TRPS1: variants seen among roughly 807,000 people sequenced by gnomAD.
TRPS1 encodes transcriptional repressor GATA binding 1.
TRPS1 carries 6 observed loss-of-function variants against 101.2 expected under a neutral mutation model. The observed-to-expected ratio is 0.06, with a 90% CI of 0.03 to 0.12. The LOEUF is 0.12. Ranked by LOEUF, TRPS1 falls within the 10% of genes least tolerant of loss-of-function variation. The pLI, the probability that TRPS1 is intolerant of heterozygous loss-of-function variation, is 1.00. For missense variants in TRPS1, 1,363 were observed against 1,567.0 expected, an observed-to-expected ratio of 0.87 and a Z score of 2.20; for synonymous variants, 578 against 589.8, an observed-to-expected ratio of 0.98 and a Z score of 0.29.
chr8:115,560,653 A>G (rs571357730), intron 5 of TRPS1, among the ~76,000 whole-genome samples: 1 of 152,124 alleles, frequency 6.6e-6, no homozygotes, highest in Admixed American at 6.6e-5. Flanking sequence ...ACTTTTATCA[A>G]CTCTGGGTAA....
rs776415628 is a variant in TRPS1, at chr8:115,415,101, C to T, written c.2824-17G>A. 24 of 1,585,232 alleles carry T rather than the reference C, an allele frequency of 1.5e-5. No homozygotes were observed. The East Asian group carries it at 4.7e-4, about 31-fold the overall frequency. On this transcript the variant is annotated splice_polypyrimidine_tract_variant and intron_variant, in intron 6 of 6. Transcript: ENST00000395715. ...CCTGGGAGTCTGCAGAGAACACATACAATACATAAAAGGAAAACATTAAAA... is the reference window on the plus strand; with the variant it reads ...CCTGGGAGTCTGCAGAGAACACATATAATACATAAAAGGAAAACATTAAAA...
Position 115,603,949 on chromosome 8 carries a change from T to C in TRPS1, c.2020A>G (p.Lys674Glu), listed in dbSNP as rs548664535. Reference sequence around the variant, plus strand: ...GTACATGAGTGTTCTTTGCTTTCCTTGACAGACTGCTGCCCATCCGATCCT... The same window carrying C: ...GTACATGAGTGTTCTTTGCTTTCCTCGACAGACTGCTGCCCATCCGATCCT... The part of the protein sequence containing the change: ...LQGSDGQQSV[K>E]ESKEHSCTKC... The change falls in exon 4 of 7, where the codon AAG becomes GAG. Residue 674 changes from lysine (K) to glutamate (E), a missense_variant. This residue lies in a region of TRPS1 where 1,020 missense variants were observed against 1,073.0 expected (regional missense o/e 0.95). Coordinates refer to ENST00000395715, the MANE Select transcript of TRPS1 (RefSeq NM_014112.5). 1 of 1,614,070 alleles carries C rather than the reference T, an allele frequency of 6.2e-7. No homozygotes were observed. Among genetic ancestry groups the C allele is most frequent in the East Asian group, 2.2e-5 (1 of 44,878 alleles).
rs572735161 is a variant in TRPS1, at chr8:115,619,881, G to A, written c.217C>T (p.His73Tyr). The A allele has an allele frequency of 6.2e-5, 100 of 1,614,160 alleles. No individual in the cohort carries two copies. In the South Asian group the frequency reaches 9.0e-4, roughly 15 times the overall value. The part of the protein sequence containing the change: ...DAAELNHKEE[H>Y]SLHVQDPSSS... ...GATGGATCTTGAACATGCAAGCTAT[G>A]TTCCTCCTTATGATTTAGTTCTGCA... Residue 73 changes from histidine to tyrosine, a missense_variant, in exon 3 of 7, where the codon CAT (histidine) becomes TAT (tyrosine). By Grantham distance (83) the His-to-Tyr change is moderately conservative. Transcript: ENST00000395715.
At chr8:115,506,923 A>C (rs1265966767) in intron 5 of TRPS1, among the ~76,000 whole-genome samples, 1 of 152,148 alleles carries the variant, frequency 6.6e-6, no homozygotes, top group Non-Finnish European at 1.5e-5. Flanking sequence ...TTGTGAGGAA[A>C]AAGTAAAAAG....
At chr8:115,592,986 A>T (rs937605453) in intron 4 of TRPS1, among the ~76,000 whole-genome samples, 9 of 146,824 alleles carry the variant, frequency 6.1e-5, no homozygotes, top group Non-Finnish European at 1.4e-4. Context: ...TCCCAAATAA[A>T]TTTTTTTTTT....
At chr8:115,460,928 A>G (rs1484079183) in intron 5 of TRPS1, among the ~76,000 whole-genome samples, 1 of 152,188 alleles carries the variant, frequency 6.6e-6, no homozygotes, top group Non-Finnish European at 1.5e-5. Flanking sequence ...ACTATGTTAC[A>G]AATAATTAAA....
Position 115,587,025 on chromosome 8 carries a change from C to T in TRPS1, c.2676G>A (p.Lys892=), listed in dbSNP as rs974238384. 4.3e-6 allele frequency: 7 copies of T among 1,614,072 alleles called. No homozygotes were observed. Among genetic ancestry groups the T allele is most frequent in the Non-Finnish European group, 5.9e-6 (7 of 1,180,040 alleles). ...CCCGTAACAGGGACTGGGATTCATC[C>T]TTGGACTTGTTTTCTCCCGATGCAG... ...QYPASGENKS[K]DESQSLLRRR... The change falls in exon 5 of 7, where the codon AAG becomes AAA. Residue 892 remains lysine, a synonymous_variant. Transcript: ENST00000395715.
chr8:115,620,996 T>C (rs548628640), intron 2 of TRPS1, among the ~76,000 whole-genome samples: 2 of 152,226 alleles, frequency 1.3e-5, no homozygotes, highest in East Asian at 3.8e-4. Context: ...CAGTTTGCTA[T>C]GGTTCACCTT....
At chr8:115,443,466 G>A (rs1229538527) in intron 5 of TRPS1, among the ~76,000 whole-genome samples, 1 of 152,064 alleles carries the variant, frequency 6.6e-6, no homozygotes, top group African/African-American at 2.4e-5. Flanking sequence ...CAATCTGCTC[G>A]GTTCTCATCA....
chr8:115,499,915 A>ATTTCTTTC (rs373053040), intron 5 of TRPS1, among the ~76,000 whole-genome samples: 2,199 of 134,736 alleles, frequency 0.016, 28 homozygotes, highest in Non-Finnish European at 0.019. Flanking sequence ...AAAGTGCTAA[A>ATTTCTTTC]TTTCTTTCTT....
At chr8:115,521,285 G>A (rs1815854307) in intron 5 of TRPS1, among the ~76,000 whole-genome samples, 1 of 151,700 alleles carries the variant, frequency 6.6e-6, no homozygotes, top group African/African-American at 2.4e-5. Context: ...CTCTAACTAC[G>A]ATTCTCTATT....
chr8:115,611,889 A>G (rs1002862551), intron 3 of TRPS1, among the ~76,000 whole-genome samples: 3 of 152,204 alleles, frequency 2.0e-5, no homozygotes, highest in African/African-American at 7.2e-5. Flanking sequence ...AAGAATAGTG[A>G]GATTTAATCT....
chr8:115,422,372 T>C (rs1419637921), intron 5 of TRPS1, among the ~76,000 whole-genome samples: 1 of 151,398 alleles, frequency 6.6e-6, no homozygotes, highest in Non-Finnish European at 1.5e-5. Context: ...TTCCACACTT[T>C]TTTTTTTTTT....
chr8:115,566,074 G>A (rs1182859696), intron 5 of TRPS1, among the ~76,000 whole-genome samples: 2 of 152,066 alleles, frequency 1.3e-5, no homozygotes, highest in Non-Finnish European at 2.9e-5. Context: ...AAAGAAAACT[G>A]TACATATTGA....
chr8:115,433,348 A>G (rs1813369440), intron 5 of TRPS1, among the ~76,000 whole-genome samples: 1 of 152,122 alleles, frequency 6.6e-6, no homozygotes, highest in Admixed American at 6.5e-5. Flanking sequence ...TTTCTTACAG[A>G]ACACAAAAAC....
chr8:115,456,334 T>A (rs1814025036), intron 5 of TRPS1, among the ~76,000 whole-genome samples: 1 of 152,172 alleles, frequency 6.6e-6, no homozygotes. Flanking sequence ...TGTTCCCTAC[T>A]GCTTTGGAAT....
intron 1 of TRPS1, among the ~76,000 whole-genome samples, chr8:115,631,785 A>C (rs1257010737): frequency 6.6e-6 from 1 of 152,088 alleles, no homozygotes; most frequent in Non-Finnish European, 1.5e-5. Context: ...AAAAATGCTA[A>C]AGTTGTCTCA....
chr8:115,557,347 G>A (rs1563601326), intron 5 of TRPS1, among the ~76,000 whole-genome samples: 1 of 152,066 alleles, frequency 6.6e-6, no homozygotes, highest in Non-Finnish European at 1.5e-5. Flanking sequence ...TGACTACAAT[G>A]AAACTTTCTC....
intron 5 of TRPS1, among the ~76,000 whole-genome samples, chr8:115,452,742 T>A (rs1813907820): frequency 6.6e-6 from 1 of 152,172 alleles, no homozygotes; most frequent in African/African-American, 2.4e-5. Flanking sequence ...AGTATTTATA[T>A]AAATGAGATG....
Sources: gnomAD v4.1 joint callset for allele counts (sites outside exome capture counted in the v4.1 genomes callset) on GRCh38, gnomAD v4.1.1 for gene constraint, gnomAD v4.1.1 regional missense constraint, MANE v1.5 for transcripts, NCBI Gene and HGNC (gene_info 2026-07-23, HGNC 2026-07-21) for gene names.